TEX264: variants seen among roughly 807,000 people sequenced by gnomAD.
The protein encoded by TEX264 is testis-expressed protein 264.
A neutral mutation model predicts 23.4 loss-of-function variants in TEX264; 13 were observed. That is an observed-to-expected ratio of 0.56 (90% CI 0.36 to 0.88). The LOEUF (loss-of-function observed/expected upper bound fraction) is 0.88, where lower values mean the gene tolerates loss of function less well. TEX264 is among the 40% of genes least tolerant of loss of function. The pLI, the probability that TEX264 is intolerant of heterozygous loss-of-function variation, is 0.01. For synonymous variants in TEX264, 159 were observed against 170.0 expected (o/e 0.94, Z 0.50); for missense variants, 340 against 406.8 (o/e 0.84, Z 1.41).
At position 51,691,466 on chromosome 3, in the gene TEX264, G is replaced by A. The variant is rs1702824744; in HGVS notation, c.480+6832G>A. Among the ~76,000 whole-genome samples, 1 of 152,344 alleles carries A rather than the reference G, an allele frequency of 6.6e-6. No individual in the cohort carries two copies. The highest frequency in any genetic ancestry group is 2.4e-5 in the African/African-American group (1 of 41,568). On this transcript the variant is annotated intron_variant, in intron 3 of 4. Transcript: ENST00000341333. This position sits in a 1 kb window ranked among gnomAD's most constrained non-coding sequence, Gnocchi z 4.4. ...AGCCACAGAGCCTAGCCATGCCTGG[G>A]TGTGGGGAGGGGAGGGATAGATTCG...
chr3:51,693,506 G>A (rs1702907393), intron 3 of TEX264, among the ~76,000 whole-genome samples: 1 of 141,746 alleles, frequency 7.1e-6, no homozygotes, highest in African/African-American at 2.6e-5. Context: ...TTGAGACAGA[G>A]TCTCATTCTG....
intron 3 of TEX264, among the ~76,000 whole-genome samples, chr3:51,698,742 G>A (rs1703165700): frequency 6.6e-6 from 1 of 152,178 alleles, no homozygotes; most frequent in Admixed American, 6.5e-5. Flanking sequence ...TAAAACCTGA[G>A]TTTACATGTG....
At chr3:51,694,559 A>G (rs1323536969) in intron 3 of TEX264, 2 of 152,478 alleles carry the variant, frequency 1.3e-5, no homozygotes, top group Middle Eastern at 6.8e-3. Flanking sequence ...GATCAGGTGC[A>G]TTCAGGGTGG....
chr3:51,674,523 G>A lies in TEX264; in HGVS notation c.219G>A (p.Lys73=), dbSNP rs138563355. ...CTGAGAGCTGCAGCATCTCTCCCAA[G>A]CTCCGCTCCATCGCTGTCTACTATG... ...LFTESCSISP[K]LRSIAVYYDN... is the part of the protein sequence containing the mutation. The change falls in exon 2 of 5, where the codon AAG becomes AAA. Residue 73 remains lysine, a synonymous_variant. Transcript: ENST00000341333. 2.4e-5 allele frequency: 38 copies of A among 1,614,060 alleles called. No individual in the cohort carries two copies. In the Middle Eastern group the frequency reaches 4.9e-4, roughly 21 times the overall value.
intron 3 of TEX264, among the ~76,000 whole-genome samples, chr3:51,697,730 G>C (rs994458230): frequency 1.4e-4 from 21 of 152,230 alleles, no homozygotes; most frequent in African/African-American, 5.1e-4. Flanking sequence ...GACAGCTCCT[G>C]CTTCCTGACA....
chr3:51,674,275 C>G lies in TEX264; in HGVS notation c.-30C>G. 1 of 1,613,076 alleles carries G rather than the reference C, an allele frequency of 6.2e-7. No homozygotes were observed. The highest frequency in any genetic ancestry group is 8.5e-7 in the Non-Finnish European group (1 of 1,179,134). On this transcript the variant is annotated 5_prime_UTR_variant, in exon 2 of 5. Transcript: ENST00000341333. Reference sequence around the variant, plus strand: ...TCCCTTCTTTCTCCTTTGCAGCTGCCTTGAGGTGCAGTGTTGGGGATCCAG... The same window carrying G: ...TCCCTTCTTTCTCCTTTGCAGCTGCGTTGAGGTGCAGTGTTGGGGATCCAG...
rs567170666 is a variant in TEX264, at chr3:51,691,161, G to C, written c.480+6527G>C. Among the ~76,000 whole-genome samples the C allele has an allele frequency of 6.6e-6, 1 of 152,188 alleles. No homozygotes were observed. The highest frequency in any genetic ancestry group is 1.5e-5 in the Non-Finnish European group (1 of 68,030). ...ACAGGAAGAGGCTGTGTACCCGCTT[G>C]CCCAGCAGGCACTCATTAAGGCAGG... is the stretch of plus-strand genomic sequence containing the variant. On this transcript the variant is annotated intron_variant, in intron 3 of 4. Transcript: ENST00000341333. This position sits in a 1 kb window ranked among gnomAD's most constrained non-coding sequence, Gnocchi z 4.4.
chr3:51,671,930 T>G (rs1702059038), intron 1 of TEX264: 1 of 152,204 alleles, frequency 6.6e-6, no homozygotes, highest in East Asian at 1.9e-4. Flanking sequence ...ATCCCGGGCC[T>G]CTGAGCGGAG....
rs1322297814 is a variant in TEX264, at chr3:51,699,548, C to T, written c.623C>T (p.Ala208Val). ...TEWKWRGLVE[A>V]IDTQVDGTGA... ...TGGAAATGGCGGGGGCTTGTGGAGGCCATTGACACCCAGGTGGATGGCACA... is the reference window on the plus strand; with the variant it reads ...TGGAAATGGCGGGGGCTTGTGGAGGTCATTGACACCCAGGTGGATGGCACA... Residue 208 changes from alanine to valine, a missense_variant, in exon 4 of 5, where the codon GCC (alanine) becomes GTC (valine). By Grantham distance (64) the Ala-to-Val change is moderately conservative. Coordinates refer to ENST00000341333, the MANE Select transcript of TEX264 (RefSeq NM_015926.6). 1 of 1,613,888 alleles carries T rather than the reference C, an allele frequency of 6.2e-7. No homozygotes were observed. Among genetic ancestry groups the T allele is most frequent in the South Asian group, 1.1e-5 (1 of 91,062 alleles).
At chr3:51,696,620 A>G (rs1477337966) in intron 3 of TEX264, among the ~76,000 whole-genome samples, 1 of 152,036 alleles carries the variant, frequency 6.6e-6, no homozygotes, top group African/African-American at 2.4e-5. Flanking sequence ...CCCAGCCCCC[A>G]CTAGAGTCAT....
At chr3:51,685,094 C>T (rs1423100110) in intron 3 of TEX264, among the ~76,000 whole-genome samples, 2 of 152,236 alleles carry the variant, frequency 1.3e-5, no homozygotes, top group African/African-American at 4.8e-5. Flanking sequence ...CTCCCAGAGG[C>T]CAGGGCTGGG....
In TEX264 at chr3:51,674,314, C is replaced by T. The variant is rs770591989; in HGVS notation, c.10C>T (p.Leu4=). Residue 4 remains leucine (L), a synonymous_variant, in exon 2 of 5, where the codon CTG becomes TTG. Transcript: ENST00000341333. MSD[L]LLLGLIGGLT... is the part of the protein sequence containing the mutation. ...TTGGGGATCCAGAGCCATGTCGGACCTGCTACTACTGGGCCTGATTGGGGG... is the reference window on the plus strand; with the variant it reads ...TTGGGGATCCAGAGCCATGTCGGACTTGCTACTACTGGGCCTGATTGGGGG... The T allele has an allele frequency of 6.2e-7, 1 of 1,614,210 alleles. No individual in the cohort carries two copies. The highest frequency in any genetic ancestry group is 1.3e-5 in the African/African-American group (1 of 75,062).
intron 2 of TEX264, among the ~76,000 whole-genome samples, chr3:51,677,551 G>C (rs1346099569): frequency 6.6e-6 from 1 of 152,140 alleles, no homozygotes; most frequent in African/African-American, 2.4e-5. Flanking sequence ...CTGTGAGTGG[G>C]GTGGTGAGTA....
chr3:51,698,355 G>A (rs113110277), intron 3 of TEX264, among the ~76,000 whole-genome samples: 5 of 152,178 alleles, frequency 3.3e-5, no homozygotes, highest in African/African-American at 7.2e-5. Flanking sequence ...TGGTGAGAGC[G>A]GGGCGAATGC....
At chr3:51,687,348 T>G (rs979849627) in intron 3 of TEX264, among the ~76,000 whole-genome samples, 35 of 152,314 alleles carry the variant, frequency 2.3e-4, no homozygotes, top group Admixed American at 1.4e-3. Context: ...TAGCTCTGTT[T>G]GCTGGTCACA....
rs776572171 is a variant in TEX264, at chr3:51,704,223, C to T, written c.*207C>T. 1.7e-4 allele frequency: 73 copies of T among 427,910 alleles called. No homozygotes were observed. The highest frequency in any genetic ancestry group is 2.6e-4 in the Non-Finnish European group (66 of 252,452). 26.5% of individuals were successfully genotyped at this position (427,910 alleles called of 1,614,324 possible). A position where few individuals can be genotyped will look rare whatever the true frequency, so the allele number is the denominator to read the frequency against. ...AGGAGCCAGGGACTATTTTCTGCAC[C>T]AGCCCCCAGGGCTGCCACCCCTGTT... is the stretch of plus-strand genomic sequence containing the variant. On this transcript the variant is annotated 3_prime_UTR_variant, in exon 5 of 5. Transcript: ENST00000341333.
chr3:51,684,813 A>G (rs895239546), intron 3 of TEX264, among the ~76,000 whole-genome samples, 179 bp downstream of exon 3: 1 of 152,240 alleles, frequency 6.6e-6, no homozygotes, highest in Non-Finnish European at 1.5e-5. Context: ...CATCTCTTTC[A>G]GATGCCCAAG....
intron 2 of TEX264, among the ~76,000 whole-genome samples, chr3:51,676,731 T>G (rs1381497159): frequency 6.6e-6 from 1 of 152,200 alleles, no homozygotes; most frequent in Non-Finnish European, 1.5e-5. Flanking sequence ...ACCCCAGCAC[T>G]TAGCCCTCAA....
intron 2 of TEX264, 40 bp downstream of exon 2, chr3:51,674,602 T>A: frequency 3.1e-6 from 5 of 1,602,004 alleles, no homozygotes; most frequent in Non-Finnish European, 4.3e-6. Flanking sequence ...TGGATGGGCC[T>A]GGTGGGCCAG....
Sources: allele counts gnomAD v4.1 joint callset (sites outside exome capture counted in the v4.1 genomes callset), GRCh38; gene constraint gnomAD v4.1.1; non-coding constraint Gnocchi (gnomAD v3.1); transcripts MANE v1.5; gene names NCBI Gene and HGNC (gene_info 2026-07-23, HGNC 2026-07-21).